The following CYP26B1 variants were observed in gnomAD, a reference collection of about 807,000 sequenced individuals.
CYP26B1 encodes cytochrome P450 family 26 subfamily B member 1.
A neutral mutation model predicts 39.1 loss-of-function variants in CYP26B1; 8 were observed. That is an observed-to-expected ratio of 0.20 (90% CI 0.12 to 0.37). The LOEUF (loss-of-function observed/expected upper bound fraction) is 0.37, where lower values mean the gene tolerates loss of function less well. Ranked by LOEUF, CYP26B1 falls within the 10% of genes least tolerant of loss-of-function variation. CYP26B1 has a pLI of 1.00. For synonymous variants in CYP26B1, 321 were observed against 314.3 expected, an observed-to-expected ratio of 1.02 and a Z score of -0.23; for missense variants, 615 against 707.0, an observed-to-expected ratio of 0.87 and a Z score of 1.48.
In CYP26B1 at chr2:72,147,596, G is replaced by A. The variant is rs1266732659; in HGVS notation, c.204+35C>T. ...GTCTGCCCCGCGCTCGCAGCTAGCG[G>A]ACCCCGGAGTGCAGCGGAGCGAGCG... On this transcript the variant is annotated intron_variant, in intron 1 of 5. Transcript: ENST00000001146. The surrounding 1 kb of genome is among the most constrained non-coding windows in gnomAD (Gnocchi z 6.1). 1 of 1,581,942 alleles carries A rather than the reference G, an allele frequency of 6.3e-7. No individual in the cohort carries two copies. Among genetic ancestry groups the A allele is most frequent in the East Asian group, 2.4e-5 (1 of 42,188 alleles).
rs529546978 is a variant in CYP26B1 at position 72,135,010 on chromosome 2, C to T, written c.706-94G>A. On this transcript the variant is annotated intron_variant, in intron 3 of 5. Transcript: ENST00000001146. ...ACGACTCCAGCCTCCTCCTACCCCA[C>T]GCTGACACCTCTCCCCTTTGTCCAT... 81 of 1,600,578 alleles carry T rather than the reference C, an allele frequency of 5.1e-5. No homozygotes were observed. In the Middle Eastern group the frequency reaches 1.5e-3, roughly 29 times the overall value.
At position 72,134,806 on chromosome 2, in the gene CYP26B1, C is replaced by A. The variant is rs1411170408; in HGVS notation, c.816G>T (p.Glu272Asp). 1.2e-6 allele frequency: 2 copies of A among 1,614,198 alleles called. No homozygotes were observed. Among genetic ancestry groups the A allele is most frequent in the Non-Finnish European group, 1.7e-6 (2 of 1,180,018 alleles). ...TCTCCTTCCCGTGCTCCTTGCTGCT[C>A]TCAATGAGGAGGTCCAGGGCGTCCA... is the stretch of plus-strand genomic sequence containing the variant. ...DYLDALDLLI[E>D]SSKEHGKEMT... The change falls in exon 4 of 6, where the codon GAG becomes GAT. Residue 272 changes from glutamate to aspartate, a missense_variant. Glu to Asp is a conservative substitution (Grantham distance 45). Transcript: ENST00000001146.
chr2:72,137,556 G>C (rs1192319266), intron 2 of CYP26B1, among the ~76,000 whole-genome samples: 3 of 151,944 alleles, frequency 2.0e-5, no homozygotes, highest in East Asian at 3.9e-4. Context: ...GGCCATCCCA[G>C]GGTTTCAAAA....
Position 72,135,183 on chromosome 2 carries a change from G to A in CYP26B1, c.666C>T (p.Phe222=). The A allele has an allele frequency of 6.2e-7, 1 of 1,614,066 alleles. No homozygotes were observed. The highest frequency in any genetic ancestry group is 8.5e-7 in the Non-Finnish European group (1 of 1,180,026). ...TGAAGGGCAGGTCGACAGGCAGGGA[G>A]AAGACATTGTCCACAAACTGCTGGT... ...EVYQQFVDNV[F]SLPVDLPFSG... The change falls in exon 3 of 6, where the codon TTC becomes TTT. Residue 222 remains phenylalanine (F), a synonymous_variant. Transcript: ENST00000001146.
rs779146812 is a variant in CYP26B1 at position 72,132,395 on chromosome 2, C to G, written c.1371G>C (p.Glu457Asp). The G allele has an allele frequency of 1.9e-6, 3 of 1,611,550 alleles. No homozygotes were observed. The highest frequency in any genetic ancestry group is 1.7e-6 in the Non-Finnish European group (2 of 1,178,500). ...GCTCAAAGCGGCTGGTGCTAGCCAG[C>G]TCCACCGCCAGCACCTTCAGGAACA... is the stretch of plus-strand genomic sequence containing the variant. ...AKLFLKVLAV[E>D]LASTSRFELA... Residue 457 changes from glutamate (E) to aspartate (D), a missense_variant, in exon 6 of 6, where the codon GAG becomes GAC. Glu to Asp is a conservative substitution (Grantham distance 45, BLOSUM62 2). Transcript: ENST00000001146.
chr2:72,147,631 C>A lies in CYP26B1; in HGVS notation c.204G>T (p.Gln68His), dbSNP rs1242136457. The A allele has an allele frequency of 6.2e-7, 1 of 1,608,466 alleles. No individual in the cohort carries two copies. The highest frequency in any genetic ancestry group is 8.5e-7 in the Non-Finnish European group (1 of 1,178,276). The change falls in exon 1 of 6, where the codon CAG becomes CAT. Residue 68 changes from glutamine to histidine, a missense_variant and splice_region_variant. By Grantham distance (24) the Gln-to-His change is conservative. Coordinates refer to ENST00000001146, the MANE Select transcript of CYP26B1 (RefSeq NM_019885.4). The surrounding 1 kb of genome is among the most constrained non-coding windows in gnomAD (Gnocchi z 6.1). The stretch of plus-strand genomic sequence containing the variant: ...TGCAGCGGAGCGAGCGCGCCCTTAC[C>A]TGCAGCAGCCAGTGGCCGGTCTCTC... ...LIGETGHWLL[Q>H]GSGFQSSRRE...
In CYP26B1 at chr2:72,131,960, T is replaced by A. The variant is rs1032221293; in HGVS notation, c.*267A>T. 3 of 557,638 alleles carry A rather than the reference T, an allele frequency of 5.4e-6. No homozygotes were observed. The highest frequency in any genetic ancestry group is 9.7e-6 in the Non-Finnish European group (3 of 309,718). 34.5% of individuals were successfully genotyped at this position (557,638 alleles called of 1,614,324 possible). ...CTGACACCTAACACTGTCACGGGCA[T>A]GCAGAGCCCCTGCCACGCCCTTCCC... On this transcript the variant is annotated 3_prime_UTR_variant, in exon 6 of 6. Coordinates refer to ENST00000001146, the MANE Select transcript of CYP26B1 (RefSeq NM_019885.4).
Position 72,133,069 on chromosome 2 carries a change from G to C in CYP26B1, c.1100C>G (p.Pro367Arg). The stretch of plus-strand genomic sequence containing the variant: ...CACAGTGCGGTAGCCGCCGGAAATG[G>C]GCGTGAACAGGCGCATGACCTCCTT... The part of the protein sequence containing the change: ...VIKEVMRLFT[P>R]ISGGYRTVLQ... Residue 367 changes from proline to arginine, a missense_variant, in exon 5 of 6, where the codon CCC (proline) becomes CGC (arginine). Physicochemically the swap from Pro to Arg is moderately radical, Grantham distance 103. Transcript: ENST00000001146. The C allele has an allele frequency of 6.2e-7, 1 of 1,613,282 alleles. No individual in the cohort carries two copies.
rs1240188848 is a variant in CYP26B1 at position 72,133,315 on chromosome 2, G to A, written c.862-8C>T. 2 of 1,599,738 alleles carry A rather than the reference G, an allele frequency of 1.3e-6. No homozygotes were observed. Among genetic ancestry groups the A allele is most frequent in the African/African-American group, 2.7e-5 (2 of 74,940 alleles). On this transcript the variant is annotated splice_region_variant and splice_polypyrimidine_tract_variant and intron_variant, in intron 4 of 5. Transcript: ENST00000001146. ...CAGCTCCAGGGTCCCGTCCTGCAGGGCACAGAGGAGAGGTGTTGTTGGAGG... is the reference window on the plus strand; with the variant it reads ...CAGCTCCAGGGTCCCGTCCTGCAGGACACAGAGGAGAGGTGTTGTTGGAGG...
intron 2 of CYP26B1, among the ~76,000 whole-genome samples, chr2:72,143,500 G>A (rs1029263849): frequency 8.2e-6 from 1 of 121,778 alleles, no homozygotes; most frequent in Non-Finnish European, 1.6e-5. Flanking sequence ...ACCAGGCCCC[G>A]CCACCGCAGC....
intron 2 of CYP26B1, among the ~76,000 whole-genome samples, chr2:72,137,847 G>A (rs1676822995): frequency 6.6e-6 from 1 of 152,312 alleles, no homozygotes; most frequent in South Asian, 2.1e-4. Context: ...AGCCGGAAAA[G>A]CCACTGCCAC....
Position 72,132,193 on chromosome 2 carries a change from T to C in CYP26B1, c.*34A>G, listed in dbSNP as rs1039473686. 3 of 1,584,734 alleles carry C rather than the reference T, an allele frequency of 1.9e-6. No individual in the cohort carries two copies. The highest frequency in any genetic ancestry group is 2.7e-5 in the African/African-American group (2 of 74,586). ...CTACCTCCCACAACCACCACCCCGC[T>C]GCCTGGGCTGGGCTGAGGCGGGTGG... On this transcript the variant is annotated 3_prime_UTR_variant, in exon 6 of 6. Coordinates refer to ENST00000001146, the MANE Select transcript of CYP26B1 (RefSeq NM_019885.4).
rs138558556 is a variant in CYP26B1 at position 72,132,275 on chromosome 2, C to G, written c.1491G>C (p.Gln497His). The change falls in exon 6 of 6, where the codon CAG (glutamine) becomes CAC (histidine). Residue 497 changes from glutamine (Q) to histidine (H), a missense_variant. Transcript: ENST00000001146. ...CCTCCGTCTCCGGCAGGATCTCGTT[C>G]TGGTTGGAGTCCAGGCCAAAGAACT... Reference protein sequence around the residue: ...SVKFFGLDSNQNEILPETEAM... With the variant: ...SVKFFGLDSNHNEILPETEAM... The G allele has an allele frequency of 1.6e-5, 25 of 1,605,480 alleles. No homozygotes were observed. In the African/African-American group the frequency reaches 3.2e-4, roughly 21 times the overall value.
rs1553457930 is a variant in CYP26B1 at position 72,143,371 on chromosome 2, C to CT, written c.429+617_429+618insA. Among the ~76,000 whole-genome samples, 2 of 143,394 alleles carry CT rather than the reference C, an allele frequency of 1.4e-5. 1 individual carries two copies. Among genetic ancestry groups the CT allele is most frequent in the African/African-American group, 5.7e-5 (2 of 35,110 alleles). 94.1% of individuals were successfully genotyped at this position (143,394 alleles called of 152,430 possible). A position where few individuals can be genotyped will look rare whatever the true frequency, so the allele number is the denominator to read the frequency against. On this transcript the variant is annotated intron_variant, in intron 2 of 5. Transcript: ENST00000001146. Reference sequence around the variant, plus strand: ...AAACACCCACTTTCCCTTCCTCTTTCGGGGGGGGGTGGGTGCGCTTTGATC... The same window carrying CT: ...AAACACCCACTTTCCCTTCCTCTTTCTGGGGGGGGGTGGGTGCGCTTTGATC...
At position 72,131,987 on chromosome 2, in the gene CYP26B1, G is replaced by C; in HGVS notation, c.*240C>G. 1 of 583,950 alleles carries C rather than the reference G, an allele frequency of 1.7e-6. No homozygotes were observed. The highest frequency in any genetic ancestry group is 3.1e-6 in the Non-Finnish European group (1 of 327,170). 36.2% of individuals were successfully genotyped at this position (583,950 alleles called of 1,614,324 possible). A position where few individuals can be genotyped will look rare whatever the true frequency, so the allele number is the denominator to read the frequency against. On this transcript the variant is annotated 3_prime_UTR_variant, in exon 6 of 6. Transcript: ENST00000001146. ...CAGAGCCCCTGCCACGCCCTTCCCA[G>C]GGGCTGAGCTGATGGTAAATGGGGA...
At chr2:72,141,983 C>T (rs1009817413) in intron 2 of CYP26B1, among the ~76,000 whole-genome samples, 1 of 152,144 alleles carries the variant, frequency 6.6e-6, no homozygotes, top group African/African-American at 2.4e-5. Context: ...CTTCTGGTGA[C>T]TCCCCACCCA....
intron 2 of CYP26B1, among the ~76,000 whole-genome samples, chr2:72,143,571 T>C (rs1161854215): frequency 1.3e-5 from 2 of 152,214 alleles, no homozygotes; most frequent in East Asian, 1.9e-4. Flanking sequence ...TCAAGCAGCC[T>C]GTGGTGGGAA....
rs1335193253 is a variant in CYP26B1, at chr2:72,147,359, G to T, written c.204+272C>A. 6.6e-6 allele frequency among the ~76,000 whole-genome samples: 1 copy of T among 152,138 alleles called. No homozygotes were observed. The highest frequency in any genetic ancestry group is 2.4e-5 in the African/African-American group (1 of 41,432). On this transcript the variant is annotated intron_variant, in intron 1 of 5. Coordinates refer to ENST00000001146, the MANE Select transcript of CYP26B1 (RefSeq NM_019885.4). This position sits in a 1 kb window ranked among gnomAD's most constrained non-coding sequence, Gnocchi z 6.1. ...CTCCACGCCCCCTGCCAGGCCAGCC[G>T]CGACCCAGGCAAGTCCATCTTGGGA... is the stretch of plus-strand genomic sequence containing the variant.
chr2:72,133,000 C>G (rs767608791), intron 5 of CYP26B1, 23 bp downstream of exon 5: 5 of 1,613,006 alleles, frequency 3.1e-6, no homozygotes, highest in Admixed American at 3.3e-5. Context: ...CCATCGCCCC[C>G]GGTGCCACGG....
Sources: gnomAD v4.1 joint callset for allele counts (sites outside exome capture counted in the v4.1 genomes callset) on GRCh38, gnomAD v4.1.1 for gene constraint, Gnocchi (gnomAD v3.1) non-coding constraint, MANE v1.5 for transcripts, NCBI Gene and HGNC (gene_info 2026-07-23, HGNC 2026-07-21) for gene names.